TENM3: variants seen among roughly 807,000 people sequenced by gnomAD.
The protein encoded by TENM3 is teneurin-3.
TENM3 carries 63 observed loss-of-function variants against 255.1 expected under a neutral mutation model. The ratio of observed to expected loss-of-function variants is 0.25; its 90% CI spans 0.20 to 0.30. The LOEUF (loss-of-function observed/expected upper bound fraction) is 0.30, where lower values mean the gene tolerates loss of function less well. Ranked by LOEUF, TENM3 falls within the 10% of genes least tolerant of loss-of-function variation. TENM3 has a pLI of 1.00. For synonymous variants in TENM3, 1,306 were observed against 1,322.3 expected (o/e 0.99, Z 0.27); for missense variants, 2,929 against 3,461.1 (o/e 0.85, Z 3.86).
At chr4:181,987,087 A>C in the TENM3 span, among the ~76,000 whole-genome samples, 1 of 152,124 alleles carries the variant, frequency 6.6e-6, no homozygotes, top group Admixed American at 6.6e-5. Flanking sequence ...AAAACTGACC[A>C]AACTGTGACC....
chr4:181,643,163 T>C, the TENM3 span, among the ~76,000 whole-genome samples: 19 of 152,288 alleles, frequency 1.2e-4, no homozygotes, highest in African/African-American at 4.6e-4. Context: ...GTTTTTCCGT[T>C]TATTTGTGTC....
the TENM3 span, among the ~76,000 whole-genome samples, chr4:181,546,720 A>G: frequency 1.6e-5 from 2 of 127,118 alleles, no homozygotes; most frequent in African/African-American, 6.1e-5. Context: ...TCTCAGAAAA[A>G]AAAAAAAAAG....
chr4:181,879,141 C>A, the TENM3 span, among the ~76,000 whole-genome samples: 1 of 152,114 alleles, frequency 6.6e-6, no homozygotes, highest in African/African-American at 2.4e-5. Flanking sequence ...TTTGATGAGT[C>A]CATGTGCAGA....
intron 1 of TENM3, among the ~76,000 whole-genome samples, chr4:182,148,209 T>A (rs1750092478): frequency 6.6e-6 from 1 of 152,118 alleles, no homozygotes; most frequent in African/African-American, 2.4e-5. Flanking sequence ...GTAATCAATT[T>A]TAGATACAGC....
chr4:182,358,979 T>C (rs1019706023), intron 3 of TENM3, among the ~76,000 whole-genome samples: 16 of 152,070 alleles, frequency 1.1e-4, no homozygotes, highest in African/African-American at 3.4e-4. Context: ...GAGATAATCA[T>C]GTGGTTTTTG....
At chr4:181,989,584 A>G in the TENM3 span, among the ~76,000 whole-genome samples, 1 of 152,162 alleles carries the variant, frequency 6.6e-6, no homozygotes, top group Non-Finnish European at 1.5e-5. Context: ...TCTTTTCACT[A>G]TTCCTGACAC....
chr4:182,607,909 G>T (rs1379995531), intron 4 of TENM3, among the ~76,000 whole-genome samples: 1 of 152,128 alleles, frequency 6.6e-6, no homozygotes, highest in Non-Finnish European at 1.5e-5. Flanking sequence ...AACACATTTT[G>T]AATCACACTT....
chr4:182,655,121 A>G (rs1514472), intron 6 of TENM3, among the ~76,000 whole-genome samples: 3,321 of 152,304 alleles, frequency 0.022, 117 homozygotes, highest in African/African-American at 0.075. Context: ...ATAAATTTCA[A>G]TTACCTTTTT....
At chr4:182,749,809 A>G (rs1465188513) in intron 19 of TENM3, among the ~76,000 whole-genome samples, 2 of 152,218 alleles carry the variant, frequency 1.3e-5, no homozygotes, top group Non-Finnish European at 2.9e-5. Flanking sequence ...TATGCATACC[A>G]TGTACACAGC....
intron 10 of TENM3, among the ~76,000 whole-genome samples, 182 bp downstream of exon 10, chr4:182,680,919 A>C (rs565704649): frequency 1.3e-5 from 2 of 152,326 alleles, no homozygotes; most frequent in African/African-American, 4.8e-5. Context: ...ACAAGCACCA[A>C]AGGGCCCCTT....
chr4:182,019,616 G>A, the TENM3 span, among the ~76,000 whole-genome samples: 387 of 152,296 alleles, frequency 2.5e-3, 1 homozygote, highest in African/African-American at 9.1e-3. Flanking sequence ...AAGTTGACCT[G>A]TAGCCTTGAC....
At chr4:181,599,622 A>AT in the TENM3 span, among the ~76,000 whole-genome samples, 35 of 152,084 alleles carry the variant, frequency 2.3e-4, 1 homozygote, top group Middle Eastern at 3.4e-3. Context: ...GCTCTCTAGT[A>AT]TTTTTTTTAC....
At chr4:181,969,257 A>G in the TENM3 span, among the ~76,000 whole-genome samples, 1 of 152,120 alleles carries the variant, frequency 6.6e-6, no homozygotes, top group Admixed American at 6.5e-5. Context: ...GATTATTTAA[A>G]ATTACTAAAG....
the TENM3 span, among the ~76,000 whole-genome samples, chr4:182,034,375 C>T: frequency 1.2e-3 from 177 of 152,212 alleles, no homozygotes; most frequent in African/African-American, 4.0e-3. Context: ...GGCATTTAGC[C>T]CACTTGCATT....
chr4:182,071,763 C>A, the TENM3 span, among the ~76,000 whole-genome samples: 10 of 152,050 alleles, frequency 6.6e-5, no homozygotes, highest in Admixed American at 4.6e-4. Flanking sequence ...TTGAAATGTA[C>A]AATAGATTAA....
At chr4:182,481,989 C>T (rs1446828073) in intron 3 of TENM3, among the ~76,000 whole-genome samples, 1 of 152,090 alleles carries the variant, frequency 6.6e-6, no homozygotes, top group Non-Finnish European at 1.5e-5. Flanking sequence ...CTAGACAGTG[C>T]ACAACACTGA....
At position 182,751,922 on chromosome 4, in the gene TENM3, C is replaced by A. The variant is rs769867289; in HGVS notation, c.3752C>A (p.Thr1251Asn). Residue 1251 changes from threonine (T) to asparagine (N), a missense_variant, in exon 20 of 28, where the codon ACT (threonine) becomes AAT (asparagine). Transcript: ENST00000511685. ...TCACTTACGGGGGCAAAAGACTTGACTAAAAATGCAGAAGTCGTCGCAGGG... is the reference window on the plus strand; with the variant it reads ...TCACTTACGGGGGCAAAAGACTTGAATAAAAATGCAGAAGTCGTCGCAGGG... Reference protein sequence around the residue: ...PKSLTGAKDLTKNAEVVAGTG... With the variant: ...PKSLTGAKDLNKNAEVVAGTG... The A allele has an allele frequency of 6.2e-7, 1 of 1,613,906 alleles. No individual in the cohort carries two copies. Among genetic ancestry groups the A allele is most frequent in the South Asian group, 1.1e-5 (1 of 91,082 alleles).
chr4:182,603,033 T>A (rs1748053799), intron 4 of TENM3, among the ~76,000 whole-genome samples: 1 of 152,228 alleles, frequency 6.6e-6, no homozygotes, highest in Non-Finnish European at 1.5e-5. Flanking sequence ...TGAAACCATG[T>A]CTTCCAGTGA....
At chr4:182,281,838 C>T (rs534877645) in intron 1 of TENM3, among the ~76,000 whole-genome samples, 5 of 152,114 alleles carry the variant, frequency 3.3e-5, no homozygotes, top group African/African-American at 7.2e-5. Context: ...TGGGTTTGAG[C>T]GATTCTCCTG....
Sources: gnomAD v4.1 joint callset for allele counts (sites outside exome capture counted in the v4.1 genomes callset) on GRCh38, gnomAD v4.1.1 for gene constraint, MANE v1.5 for transcripts, NCBI Gene and HGNC (gene_info 2026-07-23, HGNC 2026-07-21) for gene names.